The following MSL2 variants were observed in gnomAD, a reference collection of about 807,000 sequenced individuals.
MSL2 encodes the protein MSL complex subunit 2, also known as E3 ubiquitin-protein ligase MSL2.
Under a neutral mutation model 35.8 loss-of-function variants are expected in MSL2, and 2 were observed. That is an observed-to-expected ratio of 0.06 (90% confidence interval 0.02 to 0.18). MSL2 has a LOEUF of 0.18. MSL2 is among the 10% of genes least tolerant of loss of function. The pLI, the probability that MSL2 is intolerant of heterozygous loss-of-function variation, is 1.00. For missense variants in MSL2, 523 were observed against 706.7 expected, an observed-to-expected ratio of 0.74 and a Z score of 2.95; for synonymous variants, 296 against 255.7, an observed-to-expected ratio of 1.16 and a Z score of -1.50.
chr3:136,155,977 T>G (rs1939507886), intron 1 of MSL2: 1 of 407,048 alleles, frequency 2.5e-6, no homozygotes, highest in African/African-American at 2.1e-5. Flanking sequence ...TTTAAAATAA[T>G]GAATACATTT....
At chr3:136,158,940 A>C (rs910559293) in intron 1 of MSL2, among the ~76,000 whole-genome samples, 1 of 152,258 alleles carries the variant, frequency 6.6e-6, no homozygotes, top group Admixed American at 6.5e-5. Flanking sequence ...AACACAGCTG[A>C]AAGAAATTAA....
Position 136,149,683 on chromosome 3 carries a change from CAGA to C in MSL2, c.*1461_*1463del, listed in dbSNP as rs766100368. 6.7e-5 allele frequency: 10 copies of C among 149,876 alleles called. No individual in the cohort carries two copies. Among genetic ancestry groups the C allele is most frequent in the Admixed American group, 3.4e-4 (5 of 14,720 alleles). 9.3% of individuals were successfully genotyped at this position (149,876 alleles called of 1,614,324 possible). A position where few individuals can be genotyped will look rare whatever the true frequency, so the allele number is the denominator to read the frequency against. On this transcript the variant is annotated 3_prime_UTR_variant, in exon 2 of 2. Coordinates refer to ENST00000309993, the MANE Select transcript of MSL2 (RefSeq NM_018133.4). ...AATGACACCAGGATACACTACAAAA[CAGA>C]AGGAGGTGTCATCTGCTCTGTGTCC...
intron 1 of MSL2, among the ~76,000 whole-genome samples, chr3:136,192,293 C>A (rs1940711376): frequency 6.6e-6 from 1 of 152,190 alleles, no homozygotes; most frequent in Non-Finnish European, 1.5e-5. Context: ...GGAGATCGGC[C>A]TCAGCCTCCT....
chr3:136,193,993 C>G (rs935704304), intron 1 of MSL2, among the ~76,000 whole-genome samples: 1 of 152,206 alleles, frequency 6.6e-6, no homozygotes, highest in African/African-American at 2.4e-5. Context: ...CCAAATTACT[C>G]TTCTTCCTTT....
chr3:136,157,977 C>T (rs1053892382), intron 1 of MSL2, among the ~76,000 whole-genome samples: 4 of 152,120 alleles, frequency 2.6e-5, no homozygotes, highest in Non-Finnish European at 4.4e-5. Flanking sequence ...TATTTAAAGG[C>T]CAGTAACTAC....
intron 1 of MSL2, among the ~76,000 whole-genome samples, chr3:136,191,592 C>T (rs1001805777): frequency 1.3e-5 from 2 of 152,206 alleles, no homozygotes; most frequent in African/African-American, 4.8e-5. Context: ...CCTGCCTGGG[C>T]AACACGGTAA....
At chr3:136,161,064 C>T (rs145996810) in intron 1 of MSL2, among the ~76,000 whole-genome samples, 9 of 151,982 alleles carry the variant, frequency 5.9e-5, no homozygotes, top group African/African-American at 2.2e-4. Flanking sequence ...TCCAGCCTGA[C>T]GACAGAGCAA....
Position 136,195,809 on chromosome 3 carries a change from A to T in MSL2, c.-696T>A, listed in dbSNP as rs1940827586. ...TCCCCGAGGTGGCGAGGCGGGCGGG[A>T]GTCCTCAACCCGGAGGGGAAGGCCG... On this transcript the variant is annotated 5_prime_UTR_variant, in exon 1 of 2. Transcript: ENST00000309993. 1.0e-6 allele frequency: 1 copy of T among 984,282 alleles called. No individual in the cohort carries two copies. The allele number at this position is 984,282 out of a possible 1,614,324, so 61.0% of individuals were successfully genotyped here.
chr3:136,160,333 AGGAAGGAGGGAGGGAGGGAG>A (rs1303080710), intron 1 of MSL2, among the ~76,000 whole-genome samples: 1 of 20,084 alleles, frequency 5.0e-5, no homozygotes, highest in Non-Finnish European at 1.0e-4. Flanking sequence ...GAAGGAGGGA[AGGAAGGAGGGAGGGAGGGAG>A]GGAGGGAGGG....
At chr3:136,182,215 A>G (rs1247454395) in intron 1 of MSL2, among the ~76,000 whole-genome samples, 1 of 152,200 alleles carries the variant, frequency 6.6e-6, no homozygotes, top group Admixed American at 6.5e-5. Flanking sequence ...GTTGTTAAGG[A>G]TAACAGAAGA....
At chr3:136,190,990 A>T (rs765746865) in intron 1 of MSL2, among the ~76,000 whole-genome samples, 37 of 152,240 alleles carry the variant, frequency 2.4e-4, no homozygotes, top group Non-Finnish European at 5.0e-4. Context: ...GCTAATTAAC[A>T]TATCAAAGAA....
chr3:136,172,272 C>T (rs1057438366), intron 1 of MSL2, among the ~76,000 whole-genome samples: 18 of 151,302 alleles, frequency 1.2e-4, no homozygotes, highest in Non-Finnish European at 4.4e-5. Flanking sequence ...ACTCACTCCC[C>T]GACAACACAT....
chr3:136,170,898 G>A (rs1248431718), intron 1 of MSL2, among the ~76,000 whole-genome samples: 2 of 152,092 alleles, frequency 1.3e-5, no homozygotes, highest in Non-Finnish European at 1.5e-5. Flanking sequence ...ATAAAAGGAG[G>A]TAAAAATGAG....
intron 1 of MSL2, among the ~76,000 whole-genome samples, chr3:136,162,042 A>G (rs1939720714): frequency 6.6e-6 from 1 of 151,812 alleles, no homozygotes; most frequent in African/African-American, 2.4e-5. Flanking sequence ...GGTTCAAGCA[A>G]TTCTCCTGCC....
At chr3:136,189,528 T>C (rs1165409683) in intron 1 of MSL2, among the ~76,000 whole-genome samples, 1 of 149,198 alleles carries the variant, frequency 6.7e-6, no homozygotes, top group Non-Finnish European at 1.5e-5. Flanking sequence ...ATCGAGACCA[T>C]CCTGGCTAAC....
chr3:136,163,367 T>C (rs1032604844), intron 1 of MSL2, among the ~76,000 whole-genome samples: 5 of 152,168 alleles, frequency 3.3e-5, no homozygotes, highest in Non-Finnish European at 5.9e-5. Context: ...CCTAGCACTA[T>C]GTGTGTGTGT....
chr3:136,164,612 TCTAA>T (rs368638390), intron 1 of MSL2, among the ~76,000 whole-genome samples: 3 of 152,028 alleles, frequency 2.0e-5, no homozygotes, highest in African/African-American at 7.2e-5. Context: ...TAATCAAATA[TCTAA>T]CTATGTCTCT....
Position 136,178,678 on chromosome 3 carries a change from G to T in MSL2, c.142+16294C>A, listed in dbSNP as rs570285351. 2.6e-5 allele frequency among the ~76,000 whole-genome samples: 4 copies of T among 151,902 alleles called. No homozygotes were observed. The South Asian group carries it at 6.2e-4, about 24-fold the overall frequency. ...CTCCCAAGTAGCTGGGAAATTACAG[G>T]CGCCCACCATGGCACCCAGCTAACT... On this transcript the variant is annotated intron_variant, in intron 1 of 1. Coordinates refer to ENST00000309993, the MANE Select transcript of MSL2 (RefSeq NM_018133.4).
intron 1 of MSL2, among the ~76,000 whole-genome samples, chr3:136,161,599 C>G (rs530922036): frequency 8.9e-4 from 136 of 152,234 alleles, no homozygotes; most frequent in Admixed American, 7.6e-3. Context: ...GTGAAAGAAG[C>G]AGATACAAGA....
Sources: allele counts gnomAD v4.1 joint callset (sites outside exome capture counted in the v4.1 genomes callset), GRCh38; gene constraint gnomAD v4.1.1; transcripts MANE v1.5; gene names NCBI Gene and HGNC (gene_info 2026-07-23, HGNC 2026-07-21).